The following MRPS27 variants were observed in gnomAD, a reference collection of about 807,000 sequenced individuals.
MRPS27 encodes the protein small ribosomal subunit protein mS27.
In MRPS27, 43 loss-of-function variants were observed where a neutral mutation model predicts 48.9. The observed-to-expected ratio is 0.88, with a 90% CI of 0.69 to 1.13. The LOEUF (loss-of-function observed/expected upper bound fraction) is 1.13, where lower values mean the gene tolerates loss of function less well. Among genes scored for constraint, MRPS27 ranks in the 50% most tolerant of loss-of-function variants. The pLI is 0.00. For missense variants in MRPS27, 467 were observed against 476.3 expected, an observed-to-expected ratio of 0.98 and a Z score of 0.18; for synonymous variants, 188 against 171.9, an observed-to-expected ratio of 1.09 and a Z score of -0.73.
At chr5:72,279,697 C>T (rs1361335143) in intron 4 of MRPS27, among the ~76,000 whole-genome samples, 2 of 151,864 alleles carry the variant, frequency 1.3e-5, no homozygotes, top group Non-Finnish European at 2.9e-5. Context: ...AACAAAACCC[C>T]AAAAACAATT....
intron 4 of MRPS27, among the ~76,000 whole-genome samples, chr5:72,240,710 T>C (rs756601156): frequency 5.3e-5 from 8 of 152,150 alleles, no homozygotes; most frequent in Non-Finnish European, 1.0e-4. Flanking sequence ...CCTTCAAAGC[T>C]CAAATTAAAA....
chr5:72,293,977 G>A (rs953049516), intron 4 of MRPS27, among the ~76,000 whole-genome samples: 1 of 152,078 alleles, frequency 6.6e-6, no homozygotes, highest in Non-Finnish European at 1.5e-5. Flanking sequence ...TCATCAAGGG[G>A]TTCGTTTATC....
intron 4 of MRPS27, among the ~76,000 whole-genome samples, chr5:72,239,173 T>C (rs1748287445): frequency 6.6e-6 from 1 of 152,176 alleles, no homozygotes; most frequent in Non-Finnish European, 1.5e-5. Context: ...GATTCCATGC[T>C]ATATTTGAGA....
intron 4 of MRPS27, among the ~76,000 whole-genome samples, chr5:72,273,136 T>C (rs925467763): frequency 3.3e-5 from 5 of 152,168 alleles, no homozygotes; most frequent in African/African-American, 9.7e-5. Context: ...CCCTGGAAGC[T>C]ACCCTGTTCT....
At chr5:72,320,093 C>T in intron 1 of MRPS27, 56 bp downstream of exon 1, 1 of 1,565,540 alleles carries the variant, frequency 6.4e-7, no homozygotes, top group Non-Finnish European at 8.8e-7. Flanking sequence ...AAGCCCACCG[C>T]TCCCTTCACC....
chr5:72,262,199 A>G (rs886412537), intron 4 of MRPS27, among the ~76,000 whole-genome samples: 2 of 152,304 alleles, frequency 1.3e-5, no homozygotes, highest in Admixed American at 1.3e-4. Flanking sequence ...AAGCTACTTA[A>G]TATTTTCTGA....
chr5:72,310,360 C>T (rs1182694813), intron 2 of MRPS27, among the ~76,000 whole-genome samples: 4 of 151,356 alleles, frequency 2.6e-5, no homozygotes, highest in Non-Finnish European at 5.9e-5. Flanking sequence ...CACAGTGAGC[C>T]TGAAACACCT....
Position 72,228,343 on chromosome 5 carries a change from G to GC in MRPS27, c.616dup (p.Ala206GlyfsTer52), listed in dbSNP as rs1403087761. On this transcript the variant is annotated frameshift_variant, in exon 8 of 11. Coordinates refer to ENST00000261413, the MANE Select transcript of MRPS27 (RefSeq NM_015084.3). LOFTEE classifies it high-confidence loss of function. ...TTTTAGGCCTGGAAGCAAAAGGGAT[G>GC]CACCAAAGTTCCTCTCCTCTTCCCA... The GC allele has an allele frequency of 1.9e-6, 3 of 1,613,106 alleles. No homozygotes were observed. The highest frequency in any genetic ancestry group is 2.5e-6 in the Non-Finnish European group (3 of 1,179,482).
rs573488560 is a variant in MRPS27 at position 72,309,794 on chromosome 5, C to T, written c.151+4287G>A. 3.9e-5 allele frequency among the ~76,000 whole-genome samples: 6 copies of T among 152,344 alleles called. No individual in the cohort carries two copies. The South Asian group carries it at 8.3e-4, about 21-fold the overall frequency. On this transcript the variant is annotated intron_variant, in intron 2 of 10. Transcript: ENST00000261413. Reference sequence around the variant, plus strand: ...CTTTGCTTATAATTCACATATGGCACATCCGAACACGCCTTGCTGTATAAC... The same window carrying T: ...CTTTGCTTATAATTCACATATGGCATATCCGAACACGCCTTGCTGTATAAC...
chr5:72,281,995 T>C (rs747790537), intron 4 of MRPS27, among the ~76,000 whole-genome samples: 2 of 152,172 alleles, frequency 1.3e-5, no homozygotes, highest in Non-Finnish European at 2.9e-5. Flanking sequence ...GCTTTGCCTA[T>C]TACTAGGTAT....
At chr5:72,245,755 A>C (rs1748495810) in intron 4 of MRPS27, among the ~76,000 whole-genome samples, 1 of 152,232 alleles carries the variant, frequency 6.6e-6, no homozygotes, top group Non-Finnish European at 1.5e-5. Context: ...GAATTAAGCC[A>C]GTGTTGAGCA....
intron 4 of MRPS27, among the ~76,000 whole-genome samples, chr5:72,254,504 C>T (rs1032721936): frequency 6.6e-6 from 1 of 152,184 alleles, no homozygotes; most frequent in African/African-American, 2.4e-5. Context: ...AAACTAAATA[C>T]TATTTCCTCC....
In MRPS27 at chr5:72,284,146, C is replaced by T. The variant is rs1749603925; in HGVS notation, c.281+11385G>A. On this transcript the variant is annotated intron_variant, in intron 4 of 10. Coordinates refer to ENST00000261413, the MANE Select transcript of MRPS27 (RefSeq NM_015084.3). Reference sequence around the variant, plus strand: ...TATTTTTTCAGGCTAGGTGTGGTGGCTCATGCCTATAATCCCAGCACTTTG... The same window carrying T: ...TATTTTTTCAGGCTAGGTGTGGTGGTTCATGCCTATAATCCCAGCACTTTG... Among the ~76,000 whole-genome samples, 4 of 151,690 alleles carry T rather than the reference C, an allele frequency of 2.6e-5. No individual in the cohort carries two copies. The South Asian group carries it at 8.3e-4, about 31-fold the overall frequency.
chr5:72,286,648 G>T (rs1749680781), intron 4 of MRPS27, among the ~76,000 whole-genome samples: 1 of 151,966 alleles, frequency 6.6e-6, no homozygotes, highest in African/African-American at 2.4e-5. Context: ...ATTAACATGG[G>T]ATATAAAAAT....
At chr5:72,266,175 T>C (rs541999432) in intron 4 of MRPS27, among the ~76,000 whole-genome samples, 1 of 152,266 alleles carries the variant, frequency 6.6e-6, no homozygotes, top group Admixed American at 6.5e-5. Flanking sequence ...CAGTGAGGCA[T>C]GATAATTTGA....
intron 4 of MRPS27, among the ~76,000 whole-genome samples, chr5:72,260,404 C>T (rs1470474714): frequency 1.3e-5 from 2 of 152,180 alleles, no homozygotes; most frequent in African/African-American, 2.4e-5. Flanking sequence ...TTTCTGTCTT[C>T]CAGGCGTTGA....
At chr5:72,287,827 T>G (rs1035525663) in intron 4 of MRPS27, among the ~76,000 whole-genome samples, 1 of 152,236 alleles carries the variant, frequency 6.6e-6, no homozygotes, top group Non-Finnish European at 1.5e-5. Flanking sequence ...AATGGTATAA[T>G]CACTTCAGAA....
At chr5:72,266,057 G>A (rs1749100561) in intron 4 of MRPS27, among the ~76,000 whole-genome samples, 1 of 152,018 alleles carries the variant, frequency 6.6e-6, no homozygotes, top group Non-Finnish European at 1.5e-5. Flanking sequence ...ATAGGACAGA[G>A]GAGGGGAAGA....
chr5:72,294,631 T>C (rs1749929614), intron 4 of MRPS27: 2 of 152,214 alleles, frequency 1.3e-5, no homozygotes, highest in South Asian at 4.1e-4. Flanking sequence ...GCACTGAACA[T>C]ACTTTTTGTA....
Sources: gnomAD v4.1 joint callset for allele counts (sites outside exome capture counted in the v4.1 genomes callset) on GRCh38, gnomAD v4.1.1 for gene constraint, MANE v1.5 for transcripts, NCBI Gene and HGNC (gene_info 2026-07-23, HGNC 2026-07-21) for gene names.